Variants in PARD3B observed in about 807,000 individuals in gnomAD.
PARD3B encodes the protein par-3 family cell polarity regulator beta.
Under a neutral mutation model 130.2 loss-of-function variants are expected in PARD3B, and 103 were observed. That is an observed-to-expected ratio of 0.79 (90% CI 0.67 to 0.93). The LOEUF is 0.93. Ranked by LOEUF, PARD3B falls within the 40% of genes least tolerant of loss-of-function variation. The pLI is 0.00. For missense variants in PARD3B, 1,609 were observed against 1,499.2 expected, an observed-to-expected ratio of 1.07 and a Z score of -1.21; for synonymous variants, 583 against 553.2, an observed-to-expected ratio of 1.05 and a Z score of -0.76.
rs182752859 is a variant in PARD3B, at chr2:205,156,593, A to G, written c.1435-2129A>G. On this transcript the variant is annotated intron_variant, in intron 10 of 22. Transcript: ENST00000406610. ...AGGAACCACACTGTGCTTGAGCCCC[A>G]CAAAGCTTCCACATTCCAAGTCTTC... Among the ~76,000 whole-genome samples, 156 of 151,992 alleles carry G rather than the reference A, an allele frequency of 1.0e-3. 1 individual carries two copies. The highest frequency in any genetic ancestry group is 3.5e-3 in the African/African-American group (147 of 41,470).
intron 19 of PARD3B, among the ~76,000 whole-genome samples, chr2:205,429,636 G>A (rs889604460): frequency 2.6e-5 from 4 of 152,134 alleles, no homozygotes; most frequent in African/African-American, 9.7e-5. Flanking sequence ...ACTTTGTTAT[G>A]TTAAATTTAG....
intron 2 of PARD3B, among the ~76,000 whole-genome samples, chr2:204,916,137 C>T (rs533602941): frequency 1.3e-5 from 2 of 152,278 alleles, no homozygotes; most frequent in East Asian, 1.9e-4. Context: ...ACAGGAAAGA[C>T]GGTTGGCTGT....
rs775478233 is a variant in PARD3B, at chr2:205,229,802, G to C, written c.2141-15976G>C. The stretch of plus-strand genomic sequence containing the variant: ...GTCCACAGATGCCGTCCAGGAGCCA[G>C]GGCCTAGAGTCAGAAACCTTAGATG... On this transcript the variant is annotated intron_variant, in intron 15 of 22. Coordinates refer to ENST00000406610, the MANE Select transcript of PARD3B (RefSeq NM_001302769.2). This position sits in a 1 kb window ranked among gnomAD's most constrained non-coding sequence, Gnocchi z 5.2. Among the ~76,000 whole-genome samples, 1 of 152,062 alleles carries C rather than the reference G, an allele frequency of 6.6e-6. No homozygotes were observed. The highest frequency in any genetic ancestry group is 1.5e-5 in the Non-Finnish European group (1 of 68,014).
intron 20 of PARD3B, among the ~76,000 whole-genome samples, chr2:205,462,765 G>A (rs2048494061): frequency 1.3e-5 from 2 of 152,262 alleles, no homozygotes; most frequent in South Asian, 2.1e-4. Flanking sequence ...AGAATATAAT[G>A]TATGCAATCT....
chr2:204,749,414 A>T (rs981230243), intron 2 of PARD3B, among the ~76,000 whole-genome samples: 1 of 152,090 alleles, frequency 6.6e-6, no homozygotes. Flanking sequence ...CATTTTTAGG[A>T]TATCTCACAA....
intron 18 of PARD3B, among the ~76,000 whole-genome samples, chr2:205,343,456 A>G (rs971001642): frequency 6.6e-5 from 10 of 152,200 alleles, no homozygotes; most frequent in African/African-American, 9.7e-5. Flanking sequence ...ATGCTTTGCT[A>G]TCATTGCTTC....
Position 204,730,567 on chromosome 2 carries a change from C to G in PARD3B, c.222+44285C>G, listed in dbSNP as rs75036788. ...CTAAAAGCAATCTTGCAGACAGATG[C>G]AGGGGTAAAAAAAAAAAGAAAAAAA... On this transcript the variant is annotated intron_variant, in intron 2 of 22. Transcript: ENST00000406610. 3.5e-3 allele frequency among the ~76,000 whole-genome samples: 454 copies of G among 131,426 alleles called. 14 individuals are homozygous for G. In the East Asian group the frequency reaches 0.048, roughly 14 times the overall value. 86.2% of individuals were successfully genotyped at this position (131,426 alleles called of 152,430 possible).
chr2:204,937,038 T>C (rs1688514055), intron 2 of PARD3B, among the ~76,000 whole-genome samples: 1 of 152,198 alleles, frequency 6.6e-6, no homozygotes, highest in Non-Finnish European at 1.5e-5. Context: ...AAGAAGTGAA[T>C]AGACACACAG....
intron 11 of PARD3B, among the ~76,000 whole-genome samples, chr2:205,170,113 A>G (rs998346964): frequency 6.6e-6 from 1 of 151,994 alleles, no homozygotes; most frequent in African/African-American, 2.4e-5. Context: ...TATTTTAAGT[A>G]GAGACGGGGT....
At chr2:205,339,438 A>G (rs1203729695) in intron 18 of PARD3B, among the ~76,000 whole-genome samples, 3 of 152,198 alleles carry the variant, frequency 2.0e-5, no homozygotes, top group Non-Finnish European at 2.9e-5. Context: ...CTTCTATGCT[A>G]CTAAAAGTGT....
At chr2:205,214,686 T>A (rs1303731610) in intron 15 of PARD3B, among the ~76,000 whole-genome samples, 1 of 152,098 alleles carries the variant, frequency 6.6e-6, no homozygotes, top group East Asian at 1.9e-4. Context: ...CTATTTACTG[T>A]CACCTCATAT....
chr2:204,599,188 G>A (rs1446906647), intron 1 of PARD3B, among the ~76,000 whole-genome samples: 1 of 151,656 alleles, frequency 6.6e-6, no homozygotes, highest in African/African-American at 2.4e-5. Context: ...ATTTCTTTTT[G>A]TTGGAAACAT....
chr2:204,572,817 A>G (rs1348974230), intron 1 of PARD3B, among the ~76,000 whole-genome samples: 1 of 152,192 alleles, frequency 6.6e-6, no homozygotes, highest in African/African-American at 2.4e-5. Flanking sequence ...TGGAAATACA[A>G]TAAAGATACT....
chr2:205,441,861 A>G (rs1277630539), intron 20 of PARD3B, among the ~76,000 whole-genome samples: 1 of 152,302 alleles, frequency 6.6e-6, no homozygotes, highest in African/African-American at 2.4e-5. Flanking sequence ...GATAATATTA[A>G]AGAAAGATGG....
At chr2:205,547,974 C>A (rs1261411990) in intron 21 of PARD3B, among the ~76,000 whole-genome samples, 1 of 152,160 alleles carries the variant, frequency 6.6e-6, no homozygotes, top group African/African-American at 2.4e-5. Context: ...CACACAGTCC[C>A]TGTCTTACTG....
intron 4 of PARD3B, among the ~76,000 whole-genome samples, chr2:205,094,357 G>T (rs1702281870): frequency 6.6e-6 from 1 of 152,108 alleles, no homozygotes; most frequent in African/African-American, 2.4e-5. Flanking sequence ...TGAGAAGAGG[G>T]TGAAATGCTT....
At chr2:204,784,753 G>C (rs976121878) in intron 2 of PARD3B, among the ~76,000 whole-genome samples, 4 of 152,132 alleles carry the variant, frequency 2.6e-5, no homozygotes, top group Non-Finnish European at 4.4e-5. Context: ...CCATTTATAA[G>C]TTGATACGAT....
At chr2:204,938,510 G>A (rs930379677) in intron 2 of PARD3B, among the ~76,000 whole-genome samples, 3 of 151,870 alleles carry the variant, frequency 2.0e-5, no homozygotes, top group Admixed American at 1.3e-4. Flanking sequence ...CCAATTCTTC[G>A]GTCTCATTGA....
intron 1 of PARD3B, among the ~76,000 whole-genome samples, chr2:204,566,795 C>T (rs1313600372): frequency 6.6e-6 from 1 of 151,258 alleles, no homozygotes; most frequent in East Asian, 1.9e-4. Flanking sequence ...TCAGAGGCCT[C>T]TAATGTGTCA....
Sources: allele counts gnomAD v4.1 joint callset (sites outside exome capture counted in the v4.1 genomes callset), GRCh38; gene constraint gnomAD v4.1.1; non-coding constraint Gnocchi (gnomAD v3.1); transcripts MANE v1.5; gene names NCBI Gene and HGNC (gene_info 2026-07-23, HGNC 2026-07-21).